DAB2IP: variants seen among roughly 807,000 people sequenced by gnomAD.
The protein encoded by DAB2IP is disabled homolog 2-interacting protein.
Under a neutral mutation model 107.2 loss-of-function variants are expected in DAB2IP, and 28 were observed. That is an observed-to-expected ratio of 0.26 (90% CI 0.19 to 0.36). DAB2IP has a LOEUF of 0.36. DAB2IP is among the 10% of genes least tolerant of loss of function. DAB2IP has a pLI of 1.00. For missense variants in DAB2IP, 1,400 were observed against 1,644.7 expected, an observed-to-expected ratio of 0.85 and a Z score of 2.57; for synonymous variants, 755 against 706.4, an observed-to-expected ratio of 1.07 and a Z score of -1.09.
chr9:121,603,265 C>G (rs548172737), intron 1 of DAB2IP, among the ~76,000 whole-genome samples: 1 of 152,154 alleles, frequency 6.6e-6, no homozygotes, highest in Admixed American at 6.5e-5. Context: ...ATGTCTGGCC[C>G]GAGGCTGCCT....
intron 1 of DAB2IP, among the ~76,000 whole-genome samples, chr9:121,621,846 G>A (rs112229576): frequency 3.3e-5 from 5 of 151,030 alleles, no homozygotes; most frequent in African/African-American, 1.2e-4. Flanking sequence ...GTAGACATGG[G>A]GTTTCACCAT....
intron 3 of DAB2IP, among the ~76,000 whole-genome samples, chr9:121,732,717 G>A (rs1040242832): frequency 8.5e-5 from 13 of 152,206 alleles, no homozygotes; most frequent in African/African-American, 3.1e-4. Context: ...GGGCCAGATT[G>A]TTGAGGGTCC....
Position 121,641,987 on chromosome 9 carries a change from T to TC in DAB2IP, c.41-36690dup, listed in dbSNP as rs1446931793. Among the ~76,000 whole-genome samples the TC allele has an allele frequency of 1.9e-3, 230 of 122,994 alleles. 4 individuals are homozygous for TC. Among genetic ancestry groups the TC allele is most frequent in the Middle Eastern group, 3.8e-3 (1 of 262 alleles). The allele number at this position is 122,994 out of a possible 152,430, so 80.7% of individuals were successfully genotyped here. A position where few individuals can be genotyped will look rare whatever the true frequency, so the allele number is the denominator to read the frequency against. On this transcript the variant is annotated intron_variant, in intron 1 of 16. Transcript: ENST00000259371. Reference sequence around the variant, plus strand: ...CTCTCTCTCTCTTTCTTTCTTTCTTTCTTTCCTTTCTCTCTCTCTCTCTCT... The same window carrying TC: ...CTCTCTCTCTCTTTCTTTCTTTCTTTCCTTTCCTTTCTCTCTCTCTCTCTCT...
intron 3 of DAB2IP, among the ~76,000 whole-genome samples, chr9:121,755,258 G>A (rs1041469360): frequency 8.1e-4 from 124 of 152,204 alleles, no homozygotes; most frequent in African/African-American, 2.8e-3. Flanking sequence ...GCGGTGTGGC[G>A]TGGCAGGTAG....
intron 3 of DAB2IP, among the ~76,000 whole-genome samples, chr9:121,737,937 TC>T (rs1237202920): frequency 6.6e-6 from 1 of 151,788 alleles, no homozygotes; most frequent in African/African-American, 2.4e-5. Context: ...AATGGGGGAC[TC>T]CCTTGGACAT....
chr9:121,714,128 G>A (rs1830471369), intron 3 of DAB2IP, among the ~76,000 whole-genome samples: 1 of 151,984 alleles, frequency 6.6e-6, no homozygotes, highest in South Asian at 2.1e-4. Context: ...TTGCTTTTTT[G>A]TTTGAGATCC....
chr9:121,612,099 T>A (rs546161676), intron 1 of DAB2IP, among the ~76,000 whole-genome samples: 1 of 151,578 alleles, frequency 6.6e-6, no homozygotes, highest in South Asian at 2.1e-4. Context: ...TAGGGGAAGA[T>A]CTGAATTAAA....
intron 1 of DAB2IP, among the ~76,000 whole-genome samples, chr9:121,602,529 G>A (rs969096165): frequency 3.3e-5 from 5 of 152,126 alleles, no homozygotes; most frequent in Non-Finnish European, 7.4e-5. Context: ...TAGTAACTGC[G>A]ACTACAGGCA....
At position 121,782,556 on chromosome 9, in the gene DAB2IP, A is replaced by G; in HGVS notation, c.*58A>G. On this transcript the variant is annotated 3_prime_UTR_variant, in exon 16 of 16. Transcript: ENST00000408936. The surrounding 1 kb of genome is among the most constrained non-coding windows in gnomAD (Gnocchi z 6.1). ...GAGGGGGACTATGGTGGCCAAGGGC[A>G]GGGTCTCGGCCTGGGGAGGCACCCA... is the stretch of plus-strand genomic sequence containing the variant. The G allele has an allele frequency of 1.3e-6, 2 of 1,589,038 alleles. No individual in the cohort carries two copies. The highest frequency in any genetic ancestry group is 1.1e-5 in the South Asian group (1 of 87,878).
At chr9:121,742,844 A>T in intron 3 of DAB2IP, 1 of 985,450 alleles carries the variant, frequency 1.0e-6, no homozygotes, top group Middle Eastern at 5.2e-4. Context: ...CATCTGGAAG[A>T]TGAAGGAAAA....
intron 1 of DAB2IP, 100 bp from the exon 2 acceptor site, chr9:121,678,578 G>T (rs953637475): frequency 3.0e-6 from 3 of 995,544 alleles, no homozygotes; most frequent in Non-Finnish European, 2.7e-6. Context: ...TCTAGGGACC[G>T]GTTTGTCTGT....
chr9:121,695,081 C>T (rs917229165), intron 2 of DAB2IP, among the ~76,000 whole-genome samples: 1 of 152,104 alleles, frequency 6.6e-6, no homozygotes, highest in Admixed American at 6.5e-5. Flanking sequence ...CTGAGCAGCC[C>T]TGCCTGCCCC....
At chr9:121,585,969 C>T (rs376565967) in intron 1 of DAB2IP, among the ~76,000 whole-genome samples, 2 of 152,322 alleles carry the variant, frequency 1.3e-5, no homozygotes, top group East Asian at 1.9e-4. Context: ...AGTCATTCCT[C>T]TGGGCTGGGA....
At chr9:121,681,821 C>T (rs1228305903) in intron 2 of DAB2IP, among the ~76,000 whole-genome samples, 1 of 152,102 alleles carries the variant, frequency 6.6e-6, no homozygotes, top group Non-Finnish European at 1.5e-5. Flanking sequence ...CTTCCATGAC[C>T]CATGTGATTT....
In DAB2IP at chr9:121,736,845, G is replaced by A. The variant is rs972103327; in HGVS notation, c.363-20168G>A. On this transcript the variant is annotated intron_variant, in intron 3 of 15. Transcript: ENST00000408936. The surrounding 1 kb of genome is among the most constrained non-coding windows in gnomAD (Gnocchi z 4.6). Reference sequence around the variant, plus strand: ...GTGCTGGGCTTACCGGGGCGTGCAGGTCCCTGTTCTCGTGGACCGGACATT... The same window carrying A: ...GTGCTGGGCTTACCGGGGCGTGCAGATCCCTGTTCTCGTGGACCGGACATT... Among the ~76,000 whole-genome samples the A allele has an allele frequency of 1.3e-5, 2 of 152,260 alleles. No individual in the cohort carries two copies. Among genetic ancestry groups the A allele is most frequent in the African/African-American group, 4.8e-5 (2 of 41,468 alleles).
chr9:121,666,911 CACACAA>C (rs200011450), intron 1 of DAB2IP, among the ~76,000 whole-genome samples: 220 of 134,134 alleles, frequency 1.6e-3, no homozygotes, highest in Admixed American at 1.7e-3. Flanking sequence ...CACACACACA[CACACAA>C]CACTCTTAAA....
At chr9:121,750,024 C>T (rs1273241524) in intron 3 of DAB2IP, among the ~76,000 whole-genome samples, 1 of 152,162 alleles carries the variant, frequency 6.6e-6, no homozygotes, top group Non-Finnish European at 1.5e-5. Context: ...ACCAAAGAGG[C>T]ATGAACAGTT....
chr9:121,620,558 CCCTGGTTAAAGG>C (rs1831426585), intron 1 of DAB2IP, among the ~76,000 whole-genome samples: 1 of 152,176 alleles, frequency 6.6e-6, no homozygotes, highest in South Asian at 2.1e-4. Context: ...CATATCAGGT[CCCTGGTTAAAGG>C]CCTGGCTTAT....
chr9:121,588,917 G>A (rs2118923637), intron 1 of DAB2IP, among the ~76,000 whole-genome samples: 1 of 151,544 alleles, frequency 6.6e-6, no homozygotes, highest in African/African-American at 2.4e-5. Context: ...ATACCTAGGG[G>A]AGTGAGACCT....
Sources: gnomAD v4.1 joint callset for allele counts (sites outside exome capture counted in the v4.1 genomes callset) on GRCh38, gnomAD v4.1.1 for gene constraint, Gnocchi (gnomAD v3.1) non-coding constraint, MANE v1.5 for transcripts, NCBI Gene and HGNC (gene_info 2026-07-23, HGNC 2026-07-21) for gene names.